The following DNMT3A variants were observed in gnomAD, a reference collection of about 807,000 sequenced individuals.
DNMT3A encodes the protein DNA methyltransferase 3 alpha, also known as DNA (cytosine-5)-methyltransferase 3A.
A neutral mutation model predicts 117.6 loss-of-function variants in DNMT3A; 267 were observed. That is an observed-to-expected ratio of 2.27 (90% CI 2.05 to 2.51). DNMT3A has a LOEUF of 2.51. Among genes scored for constraint, DNMT3A ranks in the 30% most tolerant of loss-of-function variants. The pLI, the probability that DNMT3A is intolerant of heterozygous loss-of-function variation, is 0.00. For synonymous variants in DNMT3A, 432 were observed against 474.8 expected, an observed-to-expected ratio of 0.91 and a Z score of 1.17; for missense variants, 1,029 against 1,260.2, an observed-to-expected ratio of 0.82 and a Z score of 2.78.
In DNMT3A at chr2:25,276,850, GAC is replaced by G. The variant is rs778851053; in HGVS notation, c.449-1309_449-1308del. On this transcript the variant is annotated intron_variant, in intron 4 of 22. Coordinates refer to ENST00000321117, the MANE Select transcript of DNMT3A (RefSeq NM_022552.5). Reference sequence around the variant, plus strand: ...AGCCTGAAACGGAAAAAACAGCCCCGACTTCATCTCCTGGCTGTGAAGCGGAA... The same window carrying G: ...AGCCTGAAACGGAAAAAACAGCCCCGTTCATCTCCTGGCTGTGAAGCGGAA... Among the ~76,000 whole-genome samples the G allele has an allele frequency of 2.1e-3, 321 of 152,388 alleles. 1 individual carries two copies. Among genetic ancestry groups the G allele is most frequent in the Non-Finnish European group, 3.3e-3 (222 of 68,028 alleles).
intron 12 of DNMT3A, 117 bp from the exon 13 acceptor site, chr2:25,245,449 A>G: frequency 1.1e-6 from 1 of 906,358 alleles, no homozygotes; most frequent in Non-Finnish European, 1.7e-6. Flanking sequence ...GGCAGCCAGA[A>G]AAGAGTCCAG....
At chr2:25,268,151 C>G (rs944202227) in intron 6 of DNMT3A, among the ~76,000 whole-genome samples, 1 of 152,110 alleles carries the variant, frequency 6.6e-6, no homozygotes, top group Non-Finnish European at 1.5e-5. Flanking sequence ...CTATGATGTT[C>G]CAGTCACAGA....
Position 25,244,656 on chromosome 2 carries a change from G to C in DNMT3A, c.1555-4C>G. 6.2e-7 allele frequency: 1 copy of C among 1,613,834 alleles called. No homozygotes were observed. The highest frequency in any genetic ancestry group is 8.5e-7 in the Non-Finnish European group (1 of 1,179,780). Reference sequence around the variant, plus strand: ...ACGCACACTCCAGAAAGCAGTTCTAGACAGCAGCGGGAAGGGTCAGAAACC... The same window carrying C: ...ACGCACACTCCAGAAAGCAGTTCTACACAGCAGCGGGAAGGGTCAGAAACC... On this transcript the variant is annotated splice_region_variant and splice_polypyrimidine_tract_variant and intron_variant, in intron 13 of 22. Coordinates refer to ENST00000321117, the MANE Select transcript of DNMT3A (RefSeq NM_022552.5).
chr2:25,275,410 G>GCCCCCCCCCC, intron 5 of DNMT3A, 90 bp downstream of exon 5: 1 of 1,451,158 alleles, frequency 6.9e-7, no homozygotes, highest in Non-Finnish European at 9.4e-7. Context: ...AGGAGGAGGG[G>GCCCCCCCCCC]CCCACCCTCC....
Position 25,288,168 on chromosome 2 carries a change from C to T in DNMT3A, c.178-5457G>A, listed in dbSNP as rs1208138537. On this transcript the variant is annotated intron_variant, in intron 3 of 22. Transcript: ENST00000321117. ...CACTTTTTTTGGCCAGGCATGGTGG[C>T]TTACGCCTGTAATCCCAGCACTTTG... Among the ~76,000 whole-genome samples, 11 of 145,510 alleles carry T rather than the reference C, an allele frequency of 7.6e-5. 1 individual carries two copies. The highest frequency in any genetic ancestry group is 3.0e-5 in the Non-Finnish European group (2 of 65,738).
chr2:25,248,018 T>G lies in DNMT3A; in HGVS notation c.855+19A>C. The G allele has an allele frequency of 2.5e-6, 4 of 1,611,702 alleles. No individual in the cohort carries two copies. Among genetic ancestry groups the G allele is most frequent in the Non-Finnish European group, 3.4e-6 (4 of 1,179,884 alleles). On this transcript the variant is annotated intron_variant, in intron 7 of 22. Transcript: ENST00000321117. The stretch of plus-strand genomic sequence containing the variant: ...GCCCCCGGAAAGAGCTGGCCACGGC[T>G]GGTGAAGAAGCCGCTCACCTCGTAC...
Position 25,270,566 on chromosome 2 carries a change from G to A in DNMT3A, c.639+4375C>T, listed in dbSNP as rs183975588. Among the ~76,000 whole-genome samples, 521 of 152,320 alleles carry A rather than the reference G, an allele frequency of 3.4e-3. 1 individual carries two copies. Among genetic ancestry groups the A allele is most frequent in the African/African-American group, 0.012 (488 of 41,566 alleles). On this transcript the variant is annotated intron_variant, in intron 6 of 22. Transcript: ENST00000321117. ...GGAACAGCTGGAGCTGGGTCCTGAAGGCTGGGTGGTTTGTCAGGAGGGGAG... is the reference window on the plus strand; with the variant it reads ...GGAACAGCTGGAGCTGGGTCCTGAAAGCTGGGTGGTTTGTCAGGAGGGGAG...
chr2:25,251,789 G>A (rs1473117422), intron 6 of DNMT3A: 6 of 274,434 alleles, frequency 2.2e-5, no homozygotes, highest in Non-Finnish European at 4.1e-5. Context: ...AGGACCGCGT[G>A]GTCCCCCAGC....
At chr2:25,275,679 T>A in intron 4 of DNMT3A, 136 bp from the exon 5 acceptor site, 1 of 919,922 alleles carries the variant, frequency 1.1e-6, no homozygotes, top group Non-Finnish European at 1.6e-6. Flanking sequence ...GTTCATGTGT[T>A]AAATATGATG....
intron 12 of DNMT3A, 37 bp downstream of exon 12, chr2:25,245,983 C>T: frequency 1.9e-6 from 3 of 1,613,592 alleles, no homozygotes; most frequent in Non-Finnish European, 2.5e-6. Context: ...CCCCATGCCA[C>T]ACTAGGAGTG....
rs140581391 is a variant in DNMT3A at position 25,239,270 on chromosome 2, C to T, written c.2323-55G>A. On this transcript the variant is annotated intron_variant, in intron 19 of 22. Transcript: ENST00000321117. ...GCCAAGGAGGAGCATGAAACAGCGCCGGCATGCTGCTGGGGTCGAGCCTTA... is the reference window on the plus strand; with the variant it reads ...GCCAAGGAGGAGCATGAAACAGCGCTGGCATGCTGCTGGGGTCGAGCCTTA... 200 of 1,513,522 alleles carry T rather than the reference C, an allele frequency of 1.3e-4. No individual in the cohort carries two copies. The African/African-American group carries it at 2.4e-3, about 18-fold the overall frequency. 93.8% of individuals were successfully genotyped at this position (1,513,522 alleles called of 1,614,324 possible).
At chr2:25,241,455 G>T in intron 17 of DNMT3A, 107 bp downstream of exon 17, 1 of 1,426,446 alleles carries the variant, frequency 7.0e-7, no homozygotes, top group Non-Finnish European at 9.4e-7. Flanking sequence ...GGCAAAGGGT[G>T]AAGAGAAAGA....
Position 25,306,092 on chromosome 2 carries a change from C to T in DNMT3A, c.73-5849G>A, listed in dbSNP as rs1419192860. Among the ~76,000 whole-genome samples the T allele has an allele frequency of 6.6e-6, 1 of 152,216 alleles. No individual in the cohort carries two copies. Among genetic ancestry groups the T allele is most frequent in the Non-Finnish European group, 1.5e-5 (1 of 68,030 alleles). On this transcript the variant is annotated intron_variant, in intron 2 of 22. Coordinates refer to ENST00000321117, the MANE Select transcript of DNMT3A (RefSeq NM_022552.5). The surrounding 1 kb of genome is among the most constrained non-coding windows in gnomAD (Gnocchi z 4.1). ...CATGGAATTCAGTGAAACGAATTGG[C>T]TTCTGCAAGAGGCAGAGCCCTGTCC... is the stretch of plus-strand genomic sequence containing the variant.
chr2:25,275,924 G>A (rs2031372525), intron 4 of DNMT3A, among the ~76,000 whole-genome samples: 1 of 152,176 alleles, frequency 6.6e-6, no homozygotes, highest in African/African-American at 2.4e-5. Flanking sequence ...GAGCAGGAAG[G>A]CAGAGGGGGT....
At position 25,240,439 on chromosome 2, in the gene DNMT3A, G is replaced by A. The variant is rs200018028; in HGVS notation, c.2185C>T (p.Arg729Trp). The A allele has an allele frequency of 1.9e-5, 30 of 1,608,444 alleles. No individual in the cohort carries two copies. Among genetic ancestry groups the A allele is most frequent in the Admixed American group, 3.4e-5 (2 of 59,514 alleles). Reference sequence around the variant, plus strand: ...AGGCGGTAGAACTCAAAGAAGAGCCGGCCAGTGCCCTCTGAGAGGTCGGAA... The same window carrying A: ...AGGCGGTAGAACTCAAAGAAGAGCCAGCCAGTGCCCTCTGAGAGGTCGGAA... ...ARKGLYEGTG[R>W]LFFEFYRLLH... is the part of the protein sequence containing the mutation. The change falls in exon 19 of 23, where the codon CGG (arginine) becomes TGG (tryptophan). Residue 729 changes from arginine to tryptophan, a missense_variant. Coordinates refer to ENST00000321117, the MANE Select transcript of DNMT3A (RefSeq NM_022552.5).
intron 1 of DNMT3A, among the ~76,000 whole-genome samples, chr2:25,329,802 G>A (rs531392146): frequency 1.3e-5 from 2 of 151,958 alleles, no homozygotes; most frequent in Admixed American, 6.6e-5. Context: ...GTTCACACAC[G>A]CACACAGCCC....
intron 1 of DNMT3A, among the ~76,000 whole-genome samples, chr2:25,334,559 G>A (rs1489892835): frequency 6.6e-6 from 1 of 152,212 alleles, no homozygotes; most frequent in Non-Finnish European, 1.5e-5. Context: ...TCAGACTGAT[G>A]CTTTTGGGGG....
intron 4 of DNMT3A, among the ~76,000 whole-genome samples, chr2:25,277,091 G>T (rs370154573): frequency 6.6e-6 from 1 of 152,214 alleles, no homozygotes; most frequent in East Asian, 1.9e-4. Flanking sequence ...GTGCGGGCCT[G>T]GCGCCGGGCT....
chr2:25,288,590 G>C (rs1053513243), intron 3 of DNMT3A, among the ~76,000 whole-genome samples: 1 of 152,122 alleles, frequency 6.6e-6, no homozygotes, highest in Non-Finnish European at 1.5e-5. Context: ...GATTACAGGC[G>C]TAAGCCACTG....
Sources: allele counts gnomAD v4.1 joint callset (sites outside exome capture counted in the v4.1 genomes callset), GRCh38; gene constraint gnomAD v4.1.1; non-coding constraint Gnocchi (gnomAD v3.1); transcripts MANE v1.5; gene names NCBI Gene and HGNC (gene_info 2026-07-23, HGNC 2026-07-21).